Variants in PTPRG observed in about 807,000 individuals in gnomAD.
The protein encoded by PTPRG is receptor-type tyrosine-protein phosphatase gamma.
PTPRG carries 102 observed loss-of-function variants against 165.3 expected under a neutral mutation model. That is an observed-to-expected ratio of 0.62 (90% CI 0.53 to 0.73). The LOEUF (loss-of-function observed/expected upper bound fraction) is 0.73. PTPRG is among the 30% of genes least tolerant of loss of function. PTPRG has a pLI of 0.00. For missense variants in PTPRG, 1,866 were observed against 1,861.4 expected, an observed-to-expected ratio of 1.00 and a Z score of -0.05; for synonymous variants, 675 against 669.5, an observed-to-expected ratio of 1.01 and a Z score of -0.13.
chr3:62,047,868 A>T (rs983214084), intron 4 of PTPRG, among the ~76,000 whole-genome samples: 2 of 152,084 alleles, frequency 1.3e-5, no homozygotes, highest in African/African-American at 4.8e-5. Context: ...TTAAAAACAG[A>T]TTTCAGGTTT....
At chr3:61,837,564 G>A (rs944281610) in intron 2 of PTPRG, among the ~76,000 whole-genome samples, 7 of 152,172 alleles carry the variant, frequency 4.6e-5, no homozygotes, top group South Asian at 2.1e-4. Flanking sequence ...AGACAAGAGC[G>A]GATCAGCAGC....
At chr3:61,677,043 G>A (rs1703257916) in intron 1 of PTPRG, among the ~76,000 whole-genome samples, 2 of 151,998 alleles carry the variant, frequency 1.3e-5, no homozygotes, top group Non-Finnish European at 2.9e-5. Context: ...TTAGGAGTTT[G>A]AGACCAACCT....
At chr3:62,215,871 C>A (rs1042815837) in intron 12 of PTPRG, among the ~76,000 whole-genome samples, 1 of 152,160 alleles carries the variant, frequency 6.6e-6, no homozygotes, top group Non-Finnish European at 1.5e-5. Context: ...CACTCCCTAA[C>A]CCCTTCCCAA....
intron 5 of PTPRG, among the ~76,000 whole-genome samples, chr3:62,081,174 G>A (rs1271572472): frequency 3.3e-5 from 5 of 151,560 alleles, no homozygotes; most frequent in African/African-American, 7.3e-5. Context: ...GGAGAATGGC[G>A]TGAACGTGGG....
At chr3:61,909,071 C>G (rs1404796057) in intron 2 of PTPRG, among the ~76,000 whole-genome samples, 1 of 152,110 alleles carries the variant, frequency 6.6e-6, no homozygotes, top group Non-Finnish European at 1.5e-5. Context: ...TAACTGGGTA[C>G]TTTTAATGGC....
In PTPRG at chr3:61,963,223, T is replaced by C. The variant is rs149740218; in HGVS notation, c.191-26402T>C. On this transcript the variant is annotated intron_variant, in intron 2 of 29. Transcript: ENST00000474889. ...TTAAGGGGTTATTAAACATACTCCC[T>C]CAAGGTTTTAAATACCATTTTATAT... Among the ~76,000 whole-genome samples, 98 of 152,312 alleles carry C rather than the reference T, an allele frequency of 6.4e-4. 1 individual carries two copies. The highest frequency in any genetic ancestry group is 1.7e-3 in the African/African-American group (71 of 41,576).
chr3:61,628,056 A>G (rs1701660457), intron 1 of PTPRG, among the ~76,000 whole-genome samples: 1 of 152,208 alleles, frequency 6.6e-6, no homozygotes, highest in African/African-American at 2.4e-5. Flanking sequence ...GGATTTATGG[A>G]CAGACAGATA....
chr3:62,029,567 T>G (rs1161861864), intron 4 of PTPRG, among the ~76,000 whole-genome samples: 1 of 152,214 alleles, frequency 6.6e-6, no homozygotes, highest in African/African-American at 2.4e-5. Flanking sequence ...ATTGGAAAAC[T>G]TACCATCTGG....
At chr3:61,579,494 A>G (rs1700235444) in intron 1 of PTPRG, among the ~76,000 whole-genome samples, 1 of 152,236 alleles carries the variant, frequency 6.6e-6, no homozygotes, top group Non-Finnish European at 1.5e-5. Context: ...AAATAACTTC[A>G]TCTTAGGGGC....
At chr3:61,617,209 A>C (rs1701322117) in intron 1 of PTPRG, among the ~76,000 whole-genome samples, 1 of 152,208 alleles carries the variant, frequency 6.6e-6, no homozygotes, top group South Asian at 2.1e-4. Context: ...TTGCCTGTAG[A>C]AGGACCCGGA....
chr3:62,044,053 C>T (rs1187310824), intron 4 of PTPRG, among the ~76,000 whole-genome samples: 1 of 152,192 alleles, frequency 6.6e-6, no homozygotes, highest in Non-Finnish European at 1.5e-5. Flanking sequence ...CTCTTTGGAG[C>T]CATGAACACT....
chr3:61,642,136 C>T (rs17065143), intron 1 of PTPRG, among the ~76,000 whole-genome samples: 35,346 of 151,892 alleles, frequency 0.23, 5,414 homozygotes, highest in African/African-American at 0.44. Flanking sequence ...GATGCTGACC[C>T]CGAGTTATTA....
intron 2 of PTPRG, among the ~76,000 whole-genome samples, chr3:61,875,445 C>T (rs981905636): frequency 6.6e-6 from 1 of 152,034 alleles, no homozygotes; most frequent in African/African-American, 2.4e-5. Context: ...ACAGGCTACT[C>T]GATTAATCAG....
At chr3:61,857,401 G>C (rs575603710) in intron 2 of PTPRG, among the ~76,000 whole-genome samples, 1 of 152,124 alleles carries the variant, frequency 6.6e-6, no homozygotes, top group African/African-American at 2.4e-5. Flanking sequence ...CACCATGTGT[G>C]AATAAATCTG....
In PTPRG at chr3:62,053,593, C is replaced by G. The variant is rs544049691; in HGVS notation, c.520-24570C>G. Reference sequence around the variant, plus strand: ...TCCTTTTAATAAATTTGAAACTTATCTAGCTAGTGCTTAATATTCTGAAGG... The same window carrying G: ...TCCTTTTAATAAATTTGAAACTTATGTAGCTAGTGCTTAATATTCTGAAGG... On this transcript the variant is annotated intron_variant, in intron 4 of 29. Coordinates refer to ENST00000474889, the MANE Select transcript of PTPRG (RefSeq NM_002841.4). 4.0e-4 allele frequency among the ~76,000 whole-genome samples: 61 copies of G among 152,216 alleles called. 1 individual carries two copies. Among genetic ancestry groups the G allele is most frequent in the African/African-American group, 1.4e-3 (59 of 41,516 alleles).
At chr3:61,927,029 T>C (rs2039231979) in intron 2 of PTPRG, among the ~76,000 whole-genome samples, 1 of 152,204 alleles carries the variant, frequency 6.6e-6, no homozygotes, top group African/African-American at 2.4e-5. Flanking sequence ...TCGTTCATGA[T>C]GTGCAACTGC....
intron 2 of PTPRG, among the ~76,000 whole-genome samples, chr3:61,820,592 C>G (rs1399870694): frequency 7.6e-6 from 1 of 132,260 alleles, no homozygotes; most frequent in African/African-American, 3.2e-5. Flanking sequence ...ATTTCTTGTT[C>G]CTGTGTCTCT....
Position 62,273,219 on chromosome 3 carries a change from CAA to C in PTPRG, c.3318+139_3318+140del. 1 of 989,386 alleles carries C rather than the reference CAA, an allele frequency of 1.0e-6. No homozygotes were observed. The highest frequency in any genetic ancestry group is 1.4e-6 in the Non-Finnish European group (1 of 702,008). The allele number at this position is 989,386 out of a possible 1,614,324, so 61.3% of individuals were successfully genotyped here. On this transcript the variant is annotated intron_variant, in intron 22 of 29. Coordinates refer to ENST00000474889, the MANE Select transcript of PTPRG (RefSeq NM_002841.4). This position sits in a 1 kb window ranked among gnomAD's most constrained non-coding sequence, Gnocchi z 4.1. ...AGGTTTGTATTAGAAGATATTCTGA[CAA>C]TGATCCTATTCTACGGATCACAGTT...
intron 2 of PTPRG, among the ~76,000 whole-genome samples, chr3:61,882,577 A>G (rs2107474017): frequency 6.6e-6 from 1 of 152,282 alleles, no homozygotes; most frequent in African/African-American, 2.4e-5. Context: ...GTTTTTCTAC[A>G]AAAGTCCTGC....
Sources: allele counts gnomAD v4.1 joint callset (sites outside exome capture counted in the v4.1 genomes callset), GRCh38; gene constraint gnomAD v4.1.1; non-coding constraint Gnocchi (gnomAD v3.1); transcripts MANE v1.5; gene names NCBI Gene and HGNC (gene_info 2026-07-23, HGNC 2026-07-21).